The following DMD variants were observed in gnomAD, a reference collection of about 807,000 sequenced individuals.
DMD encodes the protein mutant dystrophin.
In DMD, 63 loss-of-function variants were observed where a neutral mutation model predicts 330.1. The observed-to-expected ratio is 0.19, with a 90% CI of 0.16 to 0.24. DMD has a LOEUF of 0.24. Among genes scored for constraint, DMD ranks in the 10% least tolerant of loss-of-function variants. The probability of loss-of-function intolerance (pLI) is 1.00; values close to 1 mark genes in which losing one functional copy is unlikely to be tolerated. For missense variants in DMD, 3,344 were observed against 2,684.1 expected, an observed-to-expected ratio of 1.25 and a Z score of -5.43; for synonymous variants, 1,223 against 959.8, an observed-to-expected ratio of 1.27 and a Z score of -5.07.
intron 1 of DMD, among the ~76,000 whole-genome samples, chrX:33,120,796 G>A (rs1222644523): frequency 4.0e-5 from 4 of 100,322 alleles, no homozygotes; most frequent in Admixed American, 1.2e-4. Context: ...CAGGAGAATC[G>A]CTTGAAACAG....
intron 1 of DMD, among the ~76,000 whole-genome samples, chrX:33,030,510 T>C (rs774800208): frequency 4.5e-5 from 5 of 111,989 alleles, no homozygotes; most frequent in Admixed American, 2.8e-4. Context: ...GGGTGTAGAC[T>C]TGTTAGGAGT....
intron 19 of DMD, among the ~76,000 whole-genome samples, chrX:32,491,844 G>A (rs1489503073): frequency 8.9e-6 from 1 of 111,785 alleles, no homozygotes; most frequent in Non-Finnish European, 1.9e-5. Context: ...CTGGAAGGCT[G>A]CATGAACAAG....
chrX:32,751,023 T>A (rs6653589), intron 7 of DMD, among the ~76,000 whole-genome samples: 6,610 of 111,826 alleles, frequency 0.059, 446 homozygotes, highest in African/African-American at 0.2. Context: ...CCTAGCTACG[T>A]GGAACTCTAA....
chrX:31,706,654 C>T (rs949744551), intron 52 of DMD, among the ~76,000 whole-genome samples: 1 of 111,417 alleles, frequency 9.0e-6, no homozygotes, highest in Non-Finnish European at 1.9e-5. Flanking sequence ...TGGAAAATTC[C>T]AGCTAGCAAT....
At chrX:32,425,055 T>A (rs764290046) in intron 29 of DMD, among the ~76,000 whole-genome samples, 50 of 111,992 alleles carry the variant, frequency 4.5e-4, no homozygotes, top group Middle Eastern at 4.6e-3. Flanking sequence ...GAAAGTCAGA[T>A]AACTGATTAT....
intron 48 of DMD, among the ~76,000 whole-genome samples, chrX:31,857,381 A>G (rs367613716): frequency 0.03 from 719 of 24,245 alleles, no homozygotes; most frequent in African/African-American, 0.15. Context: ...TCCACCTCGG[A>G]AAAAAAAAAA....
intron 67 of DMD, among the ~76,000 whole-genome samples, chrX:31,200,746 A>G (rs755580427): frequency 3.6e-5 from 4 of 111,378 alleles, no homozygotes; most frequent in Non-Finnish European, 5.6e-5. Flanking sequence ...TAAAACTAGT[A>G]TGAGGGCAAT....
At chrX:32,660,246 A>T (rs1483958856) in intron 9 of DMD, among the ~76,000 whole-genome samples, 1 of 111,179 alleles carries the variant, frequency 9.0e-6, no homozygotes, top group African/African-American at 3.3e-5. Flanking sequence ...TCAAGTAAAA[A>T]AAAAACTCAA....
At chrX:31,138,680 A>T (rs1354631522) in intron 76 of DMD, among the ~76,000 whole-genome samples, 2 of 40,454 alleles carry the variant, frequency 4.9e-5, no homozygotes, top group African/African-American at 1.8e-4. Context: ...AGAGAGAGAG[A>T]GAGAGAGAAG....
chrX:32,678,638 C>A lies in DMD; in HGVS notation c.960+19232G>T, dbSNP rs767004002. On this transcript the variant is annotated intron_variant, in intron 9 of 78. Transcript: ENST00000357033. ...GTACATTCTACGAAACAAGAATAAA[C>A]ACTAACATGTGATCCCTTCTCTACT... Among the ~76,000 whole-genome samples, 6 of 111,137 alleles carry A rather than the reference C, an allele frequency of 5.4e-5. No individual in the cohort carries two copies. In the East Asian group the frequency reaches 1.7e-3, roughly 32 times the overall value.
intron 60 of DMD, among the ~76,000 whole-genome samples, chrX:31,413,369 C>T (rs1347035929): frequency 3.6e-5 from 4 of 112,297 alleles, no homozygotes; most frequent in Non-Finnish European, 5.6e-5. Flanking sequence ...GGACATCTTG[C>T]TTGTTCTTGT....
chrX:31,163,665 C>T (rs781340567), intron 74 of DMD, among the ~76,000 whole-genome samples: 1 of 110,734 alleles, frequency 9.0e-6, no homozygotes, highest in Non-Finnish European at 1.9e-5. Context: ...CCTTACCTAC[C>T]ACTTTGTCTT....
At chrX:32,460,470 T>G (rs1039264502) in intron 25 of DMD, among the ~76,000 whole-genome samples, 1 of 111,073 alleles carries the variant, frequency 9.0e-6, no homozygotes, top group Non-Finnish European at 1.9e-5. Context: ...AACAACCATT[T>G]TAAATGAAAT....
chrX:32,407,801 G>T (rs1463834074), intron 30 of DMD, among the ~76,000 whole-genome samples: 1 of 109,080 alleles, frequency 9.2e-6, no homozygotes, highest in African/African-American at 3.3e-5. Flanking sequence ...CCATAAAAAA[G>T]GATGAGTTCA....
At chrX:32,415,791 G>T (rs1367022385) in intron 29 of DMD, among the ~76,000 whole-genome samples, 2 of 111,795 alleles carry the variant, frequency 1.8e-5, no homozygotes, top group Non-Finnish European at 3.8e-5. Context: ...AACAATCCTA[G>T]TAATGGTTAC....
In DMD at chrX:32,645,137, C is replaced by G; in HGVS notation, c.976G>C (p.Glu326Gln). 2.5e-6 allele frequency: 3 copies of G among 1,211,441 alleles called. No homozygotes were observed. The highest frequency in any genetic ancestry group is 3.4e-6 in the Non-Finnish European group (3 of 895,350). Residue 326 changes from glutamate to glutamine, a missense_variant, in exon 10 of 79, where the codon GAA (glutamate) becomes CAA (glutamine). Glu to Gln is a conservative substitution (Grantham distance 29). Transcript: ENST00000357033. Reference protein sequence around the residue: ...PFPSQHLEAPEDKSFGSSLME... With the variant: ...PFPSQHLEAPQDKSFGSSLME... ...AATGAACTGCCAAATGACTTGTCTTCAGGAGCTTCCAAATGCTGCACAATA... is the reference window on the plus strand; with the variant it reads ...AATGAACTGCCAAATGACTTGTCTTGAGGAGCTTCCAAATGCTGCACAATA...
chrX:32,752,019 A>T (rs1483347395), intron 7 of DMD, among the ~76,000 whole-genome samples: 1 of 112,734 alleles, frequency 8.9e-6, no homozygotes, highest in African/African-American at 3.2e-5. Context: ...CCCAGGTAGA[A>T]GTTTGCTGTA....
At position 32,448,448 on chromosome X, in the gene DMD, C is replaced by G; in HGVS notation, c.3786+8G>C. 8.3e-7 allele frequency: 1 copy of G among 1,207,095 alleles called. No individual in the cohort carries two copies. Among genetic ancestry groups the G allele is most frequent in the Non-Finnish European group, 1.1e-6 (1 of 892,044 alleles). The stretch of plus-strand genomic sequence containing the variant: ...TATCATTGACAAAGACCAAGAAAAG[C>G]AACTGACTTCCAAAGTCTTGCATTT... On this transcript the variant is annotated splice_region_variant and intron_variant, in intron 27 of 78. Transcript: ENST00000357033.
At chrX:31,427,052 CA>C (rs766181466) in intron 60 of DMD, among the ~76,000 whole-genome samples, 2 of 111,896 alleles carry the variant, frequency 1.8e-5, no homozygotes, top group African/African-American at 3.2e-5. Flanking sequence ...TTATGAATGA[CA>C]AATGTAAAGA....
Sources: allele counts gnomAD v4.1 joint callset (sites outside exome capture counted in the v4.1 genomes callset), GRCh38; gene constraint gnomAD v4.1.1; transcripts MANE v1.5; gene names NCBI Gene and HGNC (gene_info 2026-07-23, HGNC 2026-07-21).